The following MORC1 variants were observed in gnomAD, a reference collection of about 807,000 sequenced individuals.
The protein encoded by MORC1 is MORC family CW-type zinc finger protein 1.
A neutral mutation model predicts 134.9 loss-of-function variants in MORC1; 59 were observed. The observed-to-expected ratio is 0.44, with a 90% CI of 0.35 to 0.54. The LOEUF is 0.54. MORC1 is among the 20% of genes least tolerant of loss of function. The pLI, the probability that MORC1 is intolerant of heterozygous loss-of-function variation, is 0.00. For missense variants in MORC1, 947 were observed against 1,134.5 expected, an observed-to-expected ratio of 0.83 and a Z score of 2.37; for synonymous variants, 395 against 391.7, an observed-to-expected ratio of 1.01 and a Z score of -0.10.
intron 9 of MORC1, among the ~76,000 whole-genome samples, chr3:109,068,574 GTA>G (rs530670215): frequency 6.6e-6 from 1 of 151,952 alleles, no homozygotes; most frequent in Non-Finnish European, 1.5e-5. Flanking sequence ...TCCATTGTGT[GTA>G]TATATATATA....
intron 8 of MORC1, among the ~76,000 whole-genome samples, chr3:109,083,824 G>C (rs866243385): frequency 6.6e-6 from 1 of 152,136 alleles, no homozygotes; most frequent in Non-Finnish European, 1.5e-5. Flanking sequence ...TATCAAATGA[G>C]ATTCATCCCA....
At chr3:108,984,509 T>C (rs1947840710) in intron 23 of MORC1, among the ~76,000 whole-genome samples, 2 of 151,888 alleles carry the variant, frequency 1.3e-5, no homozygotes, top group Non-Finnish European at 2.9e-5. Flanking sequence ...TCCATTTCAT[T>C]ATTTCCAGTT....
intron 8 of MORC1, among the ~76,000 whole-genome samples, chr3:109,084,002 A>C (rs954171899): frequency 6.6e-6 from 1 of 152,190 alleles, no homozygotes; most frequent in African/African-American, 2.4e-5. Flanking sequence ...TAAAGAAGTA[A>C]TATACCTCAA....
chr3:109,086,915 T>C (rs1950625404), intron 8 of MORC1, among the ~76,000 whole-genome samples: 2 of 152,072 alleles, frequency 1.3e-5, no homozygotes, highest in Non-Finnish European at 2.9e-5. Flanking sequence ...AAGTTATATC[T>C]AATATAAAGT....
At chr3:109,028,429 C>T (rs755306076) in intron 16 of MORC1, among the ~76,000 whole-genome samples, 2 of 152,136 alleles carry the variant, frequency 1.3e-5, no homozygotes, top group Non-Finnish European at 2.9e-5. Context: ...TTCCCCAAAT[C>T]GCCCACTGGT....
At chr3:109,014,237 T>G (rs1424368463) in intron 17 of MORC1, among the ~76,000 whole-genome samples, 1 of 152,250 alleles carries the variant, frequency 6.6e-6, no homozygotes, top group African/African-American at 2.4e-5. Flanking sequence ...ATTGTACATA[T>G]CACAATGTCT....
At chr3:108,968,355 G>C (rs1018213382) in intron 26 of MORC1, among the ~76,000 whole-genome samples, 1 of 152,054 alleles carries the variant, frequency 6.6e-6, no homozygotes, top group Non-Finnish European at 1.5e-5. Flanking sequence ...AACATCAAAG[G>C]CAAACGTATG....
Position 108,984,689 on chromosome 3 carries a change from G to A in MORC1, c.2324+27C>T, listed in dbSNP as rs561376355. 3.5e-5 allele frequency: 53 copies of A among 1,505,632 alleles called. No homozygotes were observed. The South Asian group carries it at 6.0e-4, about 17-fold the overall frequency. The allele number at this position is 1,505,632 out of a possible 1,614,324, so 93.3% of individuals were successfully genotyped here. ...TCAGCAGGATAATTGCACTCACTTG[G>A]AATTTGTATAACTGTAGTACACTCA... On this transcript the variant is annotated intron_variant, in intron 23 of 27. Transcript: ENST00000232603.
Position 109,057,394 on chromosome 3 carries a change from C to A in MORC1, c.1124G>T (p.Arg375Leu), listed in dbSNP as rs750805337. 6.2e-7 allele frequency: 1 copy of A among 1,610,914 alleles called. No homozygotes were observed. Among genetic ancestry groups the A allele is most frequent in the Non-Finnish European group, 8.5e-7 (1 of 1,178,534 alleles). Reference sequence around the variant, plus strand: ...CACTTTTTCATGCATTTTGATCAAACGGTTATTACTGTAAATGAACATTCC... The same window carrying A: ...CACTTTTTCATGCATTTTGATCAAAAGGTTATTACTGTAAATGAACATTCC... ...QAGMFIYSNN[R>L]LIKMHEKVGS... Residue 375 changes from arginine (R) to leucine (L), a missense_variant, in exon 13 of 28, where the codon CGT becomes CTT. Physicochemically the swap from Arg to Leu is moderately radical, Grantham distance 102 (BLOSUM62 -2). Around this residue, in one of 3 missense-constraint regions of MORC1, gnomAD observed 722 missense variants for 817.0 expected, o/e 0.88. Coordinates refer to ENST00000232603, the MANE Select transcript of MORC1 (RefSeq NM_014429.4).
chr3:109,086,355 T>A (rs1950617445), intron 8 of MORC1, among the ~76,000 whole-genome samples: 1 of 152,066 alleles, frequency 6.6e-6, no homozygotes, highest in Admixed American at 6.6e-5. Flanking sequence ...TATGTATATC[T>A]ATTATTTACC....
At chr3:108,998,866 G>A (rs1948312118) in intron 21 of MORC1, among the ~76,000 whole-genome samples, 2 of 152,208 alleles carry the variant, frequency 1.3e-5, no homozygotes, top group South Asian at 2.1e-4. Context: ...AGTAATGTAA[G>A]AACTTGAGAA....
chr3:109,045,761 A>C (rs545701860), intron 14 of MORC1, among the ~76,000 whole-genome samples: 35 of 152,166 alleles, frequency 2.3e-4, no homozygotes, highest in African/African-American at 8.0e-4. Flanking sequence ...TCAGTGGCAA[A>C]AGTTATGTGG....
At chr3:109,103,257 C>T (rs1286383926) in intron 4 of MORC1, among the ~76,000 whole-genome samples, 1 of 152,218 alleles carries the variant, frequency 6.6e-6, no homozygotes, top group East Asian at 1.9e-4. Context: ...ATTTCAATTT[C>T]ACAGCACACA....
chr3:109,071,391 T>TTA (rs1027263683), intron 8 of MORC1, among the ~76,000 whole-genome samples: 2 of 152,150 alleles, frequency 1.3e-5, no homozygotes, highest in Non-Finnish European at 2.9e-5. Flanking sequence ...ATAGCTCAAT[T>TTA]TATTCACTCA....
At position 109,035,480 on chromosome 3, in the gene MORC1, A is replaced by AAT; in HGVS notation, c.1331-13_1331-12insAT. 7.0e-7 allele frequency: 1 copy of AAT among 1,419,086 alleles called. No homozygotes were observed. Among genetic ancestry groups the AAT allele is most frequent in the South Asian group, 1.3e-5 (1 of 75,066 alleles). The allele number at this position is 1,419,086 out of a possible 1,614,324, so 87.9% of individuals were successfully genotyped here. A position where few individuals can be genotyped will look rare whatever the true frequency, so the allele number is the denominator to read the frequency against. ...TAAATTTCTATTATCTTTTAAAAAAAAAAGCAGGCAAAGAATAACAAAAAA... is the reference window on the plus strand; with the variant it reads ...TAAATTTCTATTATCTTTTAAAAAAAATAAAGCAGGCAAAGAATAACAAAAAA... On this transcript the variant is annotated splice_polypyrimidine_tract_variant and intron_variant, in intron 14 of 27. Coordinates refer to ENST00000232603, the MANE Select transcript of MORC1 (RefSeq NM_014429.4).
intron 26 of MORC1, among the ~76,000 whole-genome samples, chr3:108,964,619 TTC>T (rs1290928814): frequency 1.3e-5 from 2 of 152,290 alleles, no homozygotes; most frequent in South Asian, 2.1e-4. Context: ...ATATAGGAAA[TTC>T]TGTTTAATAA....
chr3:109,098,350 G>A (rs1465173971), intron 6 of MORC1, among the ~76,000 whole-genome samples: 1 of 152,090 alleles, frequency 6.6e-6, no homozygotes, highest in East Asian at 1.9e-4. Flanking sequence ...AATTTTCCAT[G>A]CCCTTTACAC....
At chr3:109,086,374 C>CTAA (rs1473042152) in intron 8 of MORC1, among the ~76,000 whole-genome samples, 1 of 151,818 alleles carries the variant, frequency 6.6e-6, no homozygotes, top group African/African-American at 2.4e-5. Context: ...CCAATATACT[C>CTAA]TTTTAAAGTT....
At chr3:108,988,550 G>C (rs916890675) in intron 21 of MORC1, among the ~76,000 whole-genome samples, 2 of 152,084 alleles carry the variant, frequency 1.3e-5, no homozygotes, top group Non-Finnish European at 2.9e-5. Flanking sequence ...TCCAACTTCA[G>C]ACTAAAGACT....
Sources: gnomAD v4.1 joint callset for allele counts (sites outside exome capture counted in the v4.1 genomes callset) on GRCh38, gnomAD v4.1.1 for gene constraint, gnomAD v4.1.1 regional missense constraint, MANE v1.5 for transcripts, NCBI Gene and HGNC (gene_info 2026-07-23, HGNC 2026-07-21) for gene names.